HTR7: variants seen among roughly 807,000 people sequenced by gnomAD.
HTR7 encodes the protein 5-hydroxytryptamine receptor 7, also known as 5-HT-7.
A neutral mutation model predicts 34.0 loss-of-function variants in HTR7; 16 were observed. The ratio of observed to expected loss-of-function variants is 0.47; its 90% CI spans 0.32 to 0.71. The LOEUF (loss-of-function observed/expected upper bound fraction) is 0.71, where lower values mean the gene tolerates loss of function less well. Among genes scored for constraint, HTR7 ranks in the 30% least tolerant of loss-of-function variants. The pLI, the probability that HTR7 is intolerant of heterozygous loss-of-function variation, is 0.04. For synonymous variants in HTR7, 265 were observed against 260.2 expected (o/e 1.02, Z -0.18); for missense variants, 504 against 625.5 (o/e 0.81, Z 2.07).
Position 90,749,067 on chromosome 10 carries a change from G to A in HTR7, c.1067C>T (p.Thr356Ile). Residue 356 changes from threonine (T) to isoleucine (I), a missense_variant, in exon 2 of 4, where the codon ACT becomes ATT. Around this residue, in one of 4 missense-constraint regions of HTR7, gnomAD observed 154 missense variants for 212.1 expected, o/e 0.73. Transcript: ENST00000336152. The surrounding 1 kb of genome is among the most constrained non-coding windows in gnomAD (Gnocchi z 4.2). ...CCACAGTGGGATGCAGCTGCAGGAA[G>A]TGCCACAGATGAAGGGTCTGGCTGT... ...LSTARPFICG[T>I]SCSCIPLWVE... is the part of the protein sequence containing the mutation. 6.2e-7 allele frequency: 1 copy of A among 1,614,104 alleles called. No individual in the cohort carries two copies. Among genetic ancestry groups the A allele is most frequent in the African/African-American group, 1.3e-5 (1 of 75,056 alleles).
At position 90,854,869 on chromosome 10, in the gene HTR7, A is replaced by G. The variant is rs563683875; in HGVS notation, c.539+2264T>C. On this transcript the variant is annotated intron_variant, in intron 1 of 3. Transcript: ENST00000336152. ...TGCTGCACAAAGCACAGTGTAACCT[A>G]TATTAGGTACTCAAGAGGGAATGAA... Among the ~76,000 whole-genome samples the G allele has an allele frequency of 4.9e-4, 74 of 152,296 alleles. 2 individuals carry two copies. In the South Asian group the frequency reaches 9.1e-3, roughly 19 times the overall value.
At chr10:90,816,882 T>C (rs181718361) in intron 1 of HTR7, among the ~76,000 whole-genome samples, 217 of 152,340 alleles carry the variant, frequency 1.4e-3, no homozygotes, top group African/African-American at 5.0e-3. Context: ...ACAAATAACC[T>C]GGCCTTTTGG....
chr10:90,768,420 CA>C (rs1845055936), intron 1 of HTR7, among the ~76,000 whole-genome samples: 1 of 152,156 alleles, frequency 6.6e-6, no homozygotes, highest in African/African-American at 2.4e-5. Context: ...AACCTTGCTT[CA>C]AATTCTGTTT....
intron 1 of HTR7, among the ~76,000 whole-genome samples, chr10:90,766,255 T>G (rs982348705): frequency 4.6e-5 from 7 of 152,252 alleles, no homozygotes; most frequent in Non-Finnish European, 8.8e-5. Flanking sequence ...AATTGACCTC[T>G]TTATCATTGC....
Position 90,742,530 on chromosome 10 carries a change from T to TAAA in HTR7, c.1394-5_1394-3dup. 1 of 1,575,366 alleles carries TAAA rather than the reference T, an allele frequency of 6.3e-7. No homozygotes were observed. Among genetic ancestry groups the TAAA allele is most frequent in the African/African-American group, 1.3e-5 (1 of 74,128 alleles). Reference sequence around the variant, plus strand: ...TTTCTACAGTAGTCAGCATTTTGTCTAAAAAAAAGAGAGAGAAAAATAGAA... The same window carrying TAAA: ...TTTCTACAGTAGTCAGCATTTTGTCTAAAAAAAAAAAGAGAGAGAAAAATAGAA... On this transcript the variant is annotated splice_region_variant and splice_polypyrimidine_tract_variant and intron_variant, in intron 3 of 3. Transcript: ENST00000336152.
chr10:90,764,111 C>T (rs1033331071), intron 1 of HTR7, among the ~76,000 whole-genome samples: 4 of 152,174 alleles, frequency 2.6e-5, no homozygotes, highest in Non-Finnish European at 5.9e-5. Flanking sequence ...CACAGGCTCA[C>T]CAGAATCTAT....
chr10:90,797,789 A>G (rs1845563595), intron 1 of HTR7, among the ~76,000 whole-genome samples: 1 of 152,254 alleles, frequency 6.6e-6, no homozygotes, highest in South Asian at 2.1e-4. Flanking sequence ...TTGTGTTGCT[A>G]TAACAGAATA....
intron 2 of HTR7, among the ~76,000 whole-genome samples, chr10:90,746,314 T>G (rs140057130): frequency 5.3e-4 from 80 of 152,366 alleles, no homozygotes; most frequent in African/African-American, 1.8e-3. Context: ...TACCATTTTA[T>G]GATCTATCTG....
intron 1 of HTR7, among the ~76,000 whole-genome samples, chr10:90,852,202 T>TAAAAAAAA (rs60371298): frequency 5.2e-5 from 7 of 135,246 alleles, no homozygotes; most frequent in East Asian, 2.1e-4. Context: ...TTATGTGAAG[T>TAAAAAAAA]AAAAAAAAAA....
intron 1 of HTR7, among the ~76,000 whole-genome samples, chr10:90,785,390 CAG>C (rs1282052341): frequency 2.0e-5 from 3 of 151,760 alleles, no homozygotes; most frequent in African/African-American, 7.3e-5. Context: ...AAAGAAGTGG[CAG>C]AGACATGTAT....
rs978076847 is a variant in HTR7 at position 90,749,688 on chromosome 10, G to A, written c.540-94C>T. On this transcript the variant is annotated intron_variant, in intron 1 of 3. Transcript: ENST00000336152. The surrounding 1 kb of genome is among the most constrained non-coding windows in gnomAD (Gnocchi z 4.2). ...CAGCCAGGTACCAGCGCCAGTCCTC[G>A]CAACAGCCCTTCTAGGTAGGCATCA... 34 of 1,160,054 alleles carry A rather than the reference G, an allele frequency of 2.9e-5. No individual in the cohort carries two copies. In the African/African-American group the frequency reaches 3.4e-4, roughly 12 times the overall value. 71.9% of individuals were successfully genotyped at this position (1,160,054 alleles called of 1,614,324 possible).
chr10:90,841,691 C>T (rs576133335), intron 1 of HTR7, among the ~76,000 whole-genome samples: 2 of 152,102 alleles, frequency 1.3e-5, no homozygotes, highest in African/African-American at 4.8e-5. Context: ...AAAGCCAGTG[C>T]CCCCTTGAGC....
intron 1 of HTR7, among the ~76,000 whole-genome samples, chr10:90,813,477 A>G (rs1845850564): frequency 6.6e-6 from 1 of 151,738 alleles, no homozygotes; most frequent in Admixed American, 6.6e-5. Flanking sequence ...AGCAAAGATC[A>G]TGCCACTGCA....
chr10:90,798,203 G>A (rs1462258165), intron 1 of HTR7, among the ~76,000 whole-genome samples: 1 of 152,206 alleles, frequency 6.6e-6, no homozygotes, highest in African/African-American at 2.4e-5. Context: ...TTCTCAAGCA[G>A]CAGAAGAAGC....
At position 90,756,478 on chromosome 10, in the gene HTR7, C is replaced by G. The variant is rs944886659; in HGVS notation, c.540-6884G>C. 3.9e-5 allele frequency among the ~76,000 whole-genome samples: 6 copies of G among 152,204 alleles called. No homozygotes were observed. In the South Asian group the frequency reaches 1.2e-3, roughly 32 times the overall value. The stretch of plus-strand genomic sequence containing the variant: ...GTGGGGTTCCAATACACTTTTAAAC[C>G]ATTTCCATCAGTGTTTCTAAGCTAC... On this transcript the variant is annotated intron_variant, in intron 1 of 3. Coordinates refer to ENST00000336152, the MANE Select transcript of HTR7 (RefSeq NM_019859.4).
At position 90,857,155 on chromosome 10, in the gene HTR7, G is replaced by A. The variant is rs1271830878; in HGVS notation, c.517C>T (p.Leu173=). 1.2e-6 allele frequency: 2 copies of A among 1,606,592 alleles called. No individual in the cohort carries two copies. The highest frequency in any genetic ancestry group is 2.2e-5 in the East Asian group (1 of 44,752). The part of the protein sequence containing the change: ...VMCCTASIMT[L]CVISIDRYLG... ...TACCTGTCAATGCTGATCACGCACA[G>A]GGTCATGATCGAGGCCGTGCAGCAC... Residue 173 remains leucine (L), a synonymous_variant, in exon 1 of 4, where the codon CTG becomes TTG. Transcript: ENST00000336152. This position sits in a 1 kb window ranked among gnomAD's most constrained non-coding sequence, Gnocchi z 6.5.
intron 1 of HTR7, among the ~76,000 whole-genome samples, chr10:90,777,358 G>A (rs1233372989): frequency 6.6e-6 from 1 of 151,924 alleles, no homozygotes; most frequent in Non-Finnish European, 1.5e-5. Flanking sequence ...GTGGGCGCCT[G>A]TAATCCCAGC....
intron 1 of HTR7, among the ~76,000 whole-genome samples, chr10:90,764,654 T>G (rs1188616560): frequency 6.6e-6 from 1 of 152,158 alleles, no homozygotes. Context: ...TTGAATGCTT[T>G]TTATTTCTTT....
intron 1 of HTR7, among the ~76,000 whole-genome samples, chr10:90,830,056 A>G (rs1449440642): frequency 1.3e-5 from 2 of 152,272 alleles, no homozygotes; most frequent in African/African-American, 4.8e-5. Context: ...CACCAATGAC[A>G]TTTCTCACAG....
Sources: gnomAD v4.1 joint callset for allele counts (sites outside exome capture counted in the v4.1 genomes callset) on GRCh38, gnomAD v4.1.1 for gene constraint, gnomAD v4.1.1 regional missense constraint, Gnocchi (gnomAD v3.1) non-coding constraint, MANE v1.5 for transcripts, NCBI Gene and HGNC (gene_info 2026-07-23, HGNC 2026-07-21) for gene names.